The following SCNN1B variants were observed in gnomAD, a reference collection of about 807,000 sequenced individuals.
The protein encoded by SCNN1B is sodium channel epithelial 1 subunit beta, also known as epithelial sodium channel subunit beta.
SCNN1B carries 46 observed loss-of-function variants against 65.3 expected under a neutral mutation model. The ratio of observed to expected loss-of-function variants is 0.70; its 90% CI spans 0.56 to 0.90. SCNN1B has a LOEUF of 0.90. Ranked by LOEUF, SCNN1B falls within the 40% of genes least tolerant of loss-of-function variation. The probability of loss-of-function intolerance (pLI) is 0.00; values close to 1 mark genes in which losing one functional copy is unlikely to be tolerated. For missense variants in SCNN1B, 751 were observed against 830.5 expected, an observed-to-expected ratio of 0.90 and a Z score of 1.18; for synonymous variants, 349 against 330.6, an observed-to-expected ratio of 1.06 and a Z score of -0.60.
At chr16:23,321,551 A>G (rs1290546636) in intron 1 of SCNN1B, among the ~76,000 whole-genome samples, 2 of 152,178 alleles carry the variant, frequency 1.3e-5, no homozygotes, top group African/African-American at 4.8e-5. Context: ...ACAGGCCTTC[A>G]GGCAAACCCT....
At chr16:23,339,695 A>G (rs1483819686) in intron 1 of SCNN1B, among the ~76,000 whole-genome samples, 1 of 151,616 alleles carries the variant, frequency 6.6e-6, no homozygotes. Context: ...CCTCCCAAGT[A>G]GCTGGGATTA....
intron 1 of SCNN1B, among the ~76,000 whole-genome samples, chr16:23,318,073 G>T (rs1019602921): frequency 2.0e-5 from 3 of 152,226 alleles, no homozygotes; most frequent in Non-Finnish European, 4.4e-5. Context: ...CAGGTTTGCT[G>T]CCCAAGGCTT....
intron 1 of SCNN1B, among the ~76,000 whole-genome samples, chr16:23,346,751 C>A (rs1962198570): frequency 6.7e-6 from 1 of 148,904 alleles, no homozygotes; most frequent in Admixed American, 6.8e-5. Context: ...CTCTCCTATC[C>A]TTTAACCTCA....
chr16:23,328,592 A>C (rs186435204), intron 1 of SCNN1B, among the ~76,000 whole-genome samples: 55 of 152,314 alleles, frequency 3.6e-4, no homozygotes, highest in South Asian at 6.2e-4. Context: ...AACAAGCATG[A>C]GCTGGACTCA....
At chr16:23,293,443 T>C (rs958309756) in intron 2 of SCNN1B, among the ~76,000 whole-genome samples, 3 of 152,130 alleles carry the variant, frequency 2.0e-5, no homozygotes, top group African/African-American at 7.2e-5. Context: ...TTGATTCCAC[T>C]TATACGAGGT....
At chr16:23,298,691 T>A (rs1961031117), upstream of SCNN1B, among the ~76,000 whole-genome samples, 1 of 152,242 alleles carries the variant, frequency 6.6e-6, no homozygotes, top group African/African-American at 2.4e-5. Flanking sequence ...TCTAATGGTG[T>A]CAGACTGTAG....
intron 1 of SCNN1B, among the ~76,000 whole-genome samples, chr16:23,279,721 T>C (rs945801318): frequency 3.3e-5 from 5 of 152,176 alleles, no homozygotes; most frequent in Admixed American, 3.3e-4. Context: ...TCCAAGATTG[T>C]GGAGTGAAAT....
chr16:23,371,102 G>A (rs1325640972), intron 5 of SCNN1B, among the ~76,000 whole-genome samples, 197 bp from the exon 6 acceptor site: 2 of 152,226 alleles, frequency 1.3e-5, no homozygotes, highest in Admixed American at 1.3e-4. Context: ...GGCTACGTAA[G>A]AGCCTGCCTT....
chr16:23,372,080 T>G lies in SCNN1B; in HGVS notation c.1152+197T>G, dbSNP rs1026840566. ...ACCAGGGCCTAGGGTTGGCCACTTC[T>G]CATCCCCACATTGGCAGGTGTACCC... is the stretch of plus-strand genomic sequence containing the variant. On this transcript the variant is annotated intron_variant, in intron 7 of 12. Coordinates refer to ENST00000343070, the MANE Select transcript of SCNN1B (RefSeq NM_000336.3). 6 of 637,800 alleles carry G rather than the reference T, an allele frequency of 9.4e-6. No individual in the cohort carries two copies. The African/African-American group carries it at 1.1e-4, about 12-fold the overall frequency. 39.5% of individuals were successfully genotyped at this position (637,800 alleles called of 1,614,324 possible). A position where few individuals can be genotyped will look rare whatever the true frequency, so the allele number is the denominator to read the frequency against.
intron 1 of SCNN1B, among the ~76,000 whole-genome samples, chr16:23,343,207 C>A (rs141816470): frequency 0.061 from 9,224 of 152,094 alleles, 948 homozygotes; most frequent in African/African-American, 0.21. Context: ...GTAATCCCAG[C>A]GCTTTGGGAG....
At chr16:23,347,838 G>C (rs1018141896) in intron 1 of SCNN1B, among the ~76,000 whole-genome samples, 3 of 152,238 alleles carry the variant, frequency 2.0e-5, no homozygotes, top group Non-Finnish European at 4.4e-5. Context: ...GAGCCTGGGA[G>C]GTAGAGATTG....
chr16:23,290,106 C>T (rs577913720), intron 2 of SCNN1B, among the ~76,000 whole-genome samples: 1 of 152,212 alleles, frequency 6.6e-6, no homozygotes, highest in Admixed American at 6.5e-5. Flanking sequence ...TGCACGTCTC[C>T]GTTTTTTTCC....
rs111356632 is a variant in SCNN1B at position 23,348,519 on chromosome 16, T to C, written c.-8-73T>C. 2.0e-3 allele frequency: 2,888 copies of C among 1,479,760 alleles called. 52 individuals are homozygous for C. In the African/African-American group the frequency reaches 0.033, roughly 17 times the overall value. 91.7% of individuals were successfully genotyped at this position (1,479,760 alleles called of 1,614,324 possible). A position where few individuals can be genotyped will look rare whatever the true frequency, so the allele number is the denominator to read the frequency against. On this transcript the variant is annotated intron_variant, in intron 1 of 12. Transcript: ENST00000343070. This position sits in a 1 kb window ranked among gnomAD's most constrained non-coding sequence, Gnocchi z 4.5. ...CGGGGACGTACCGCCGCCCAGTTCC[T>C]GGACGTGACTGGGACATCCTCGCAG...
chr16:23,376,199 C>G (rs543812643), intron 8 of SCNN1B, among the ~76,000 whole-genome samples: 5 of 152,296 alleles, frequency 3.3e-5, no homozygotes, highest in Admixed American at 2.6e-4. Context: ...ACTCATGTTT[C>G]CAAGTGCACA....
intron 1 of SCNN1B, among the ~76,000 whole-genome samples, chr16:23,338,827 C>T (rs1452098132): frequency 6.6e-6 from 1 of 152,198 alleles, no homozygotes; most frequent in Admixed American, 6.6e-5. Context: ...TGTGAAATCT[C>T]ATCATTTTGA....
At position 23,380,762 on chromosome 16, in the gene SCNN1B, G is replaced by A; in HGVS notation, c.1884G>A (p.Leu628=). The change falls in exon 13 of 13, where the codon CTG becomes CTA. Residue 628 remains leucine, a synonymous_variant. Transcript: ENST00000343070. The surrounding 1 kb of genome is among the most constrained non-coding windows in gnomAD (Gnocchi z 5.4). ...PNYDSLRLQP[L]DVIESDSEGD... ...ATGACTCCCTGCGTCTGCAGCCGCTGGACGTCATCGAGTCTGACAGTGAGG... is the reference window on the plus strand; with the variant it reads ...ATGACTCCCTGCGTCTGCAGCCGCTAGACGTCATCGAGTCTGACAGTGAGG... 1 of 1,612,558 alleles carries A rather than the reference G, an allele frequency of 6.2e-7. No individual in the cohort carries two copies. Among genetic ancestry groups the A allele is most frequent in the Non-Finnish European group, 8.5e-7 (1 of 1,179,956 alleles).
upstream of SCNN1B, among the ~76,000 whole-genome samples, chr16:23,301,181 T>C (rs1046269375): frequency 2.6e-5 from 4 of 151,588 alleles, no homozygotes; most frequent in Non-Finnish European, 5.9e-5. Flanking sequence ...CTGGCCAATA[T>C]GAAGAAAACC....
At chr16:23,366,913 T>C (rs1383061946) in intron 4 of SCNN1B, among the ~76,000 whole-genome samples, 1 of 152,192 alleles carries the variant, frequency 6.6e-6, no homozygotes, top group Non-Finnish European at 1.5e-5. Context: ...CTTGAGAACA[T>C]GCACTTCGAC....
chr16:23,360,217 T>TAAATAAATAAATAAATAAAC (rs1555488457), intron 4 of SCNN1B, among the ~76,000 whole-genome samples: 16 of 150,226 alleles, frequency 1.1e-4, no homozygotes, highest in Admixed American at 8.0e-4. Flanking sequence ...AATAAATAAA[T>TAAATAAATAAATAAATAAAC]AAATAAATAA....
Sources: allele counts gnomAD v4.1 joint callset (sites outside exome capture counted in the v4.1 genomes callset), GRCh38; gene constraint gnomAD v4.1.1; non-coding constraint Gnocchi (gnomAD v3.1); transcripts MANE v1.5; gene names NCBI Gene and HGNC (gene_info 2026-07-23, HGNC 2026-07-21).